Variants in ALK observed in about 807,000 individuals in gnomAD.
ALK encodes ALK receptor tyrosine kinase.
In ALK, 74 loss-of-function variants were observed where a neutral mutation model predicts 163.1. The observed-to-expected ratio is 0.45, with a 90% CI of 0.38 to 0.55. The LOEUF is 0.55. Among genes scored for constraint, ALK ranks in the 20% least tolerant of loss-of-function variants. The pLI, the probability that ALK is intolerant of heterozygous loss-of-function variation, is 0.00. For missense variants in ALK, 2,063 were observed against 2,105.3 expected, an observed-to-expected ratio of 0.98 and a Z score of 0.39; for synonymous variants, 960 against 843.2, an observed-to-expected ratio of 1.14 and a Z score of -2.40.
chr2:29,301,113 G>A (rs1666355324), intron 8 of ALK, among the ~76,000 whole-genome samples: 1 of 152,210 alleles, frequency 6.6e-6, no homozygotes, highest in African/African-American at 2.4e-5. Flanking sequence ...CTGAATGAAT[G>A]CGGGTTCCAG....
intron 3 of ALK, among the ~76,000 whole-genome samples, chr2:29,645,393 ATAAGACCCAATGGTCAGCT>A (rs1676843083): frequency 6.6e-6 from 1 of 152,094 alleles, no homozygotes; most frequent in Admixed American, 6.5e-5. Context: ...CTTCTTTCAT[ATAAGACCCAATGGTCAGCT>A]TGAGGAATGT....
chr2:29,193,758 A>C lies in ALK; in HGVS notation c.4329T>G (p.Pro1443=). 1 of 1,597,116 alleles carries C rather than the reference A, an allele frequency of 6.3e-7. No individual in the cohort carries two copies. Among genetic ancestry groups the C allele is most frequent in the Non-Finnish European group, 8.5e-7 (1 of 1,170,648 alleles). Residue 1443 remains proline, a synonymous_variant, in exon 29 of 29, where the codon CCT becomes CCG. Coordinates refer to ENST00000389048, the MANE Select transcript of ALK (RefSeq NM_004304.5). ...EEERSPAAPP[P]LPTTSSGKAA... is the part of the protein sequence containing the mutation. ...CCTTGCCAGAGGAGGTGGTAGGCAGAGGTGGTGGGGCAGCTGGGCTGCGCT... is the reference window on the plus strand; with the variant it reads ...CCTTGCCAGAGGAGGTGGTAGGCAGCGGTGGTGGGGCAGCTGGGCTGCGCT...
intron 24 of ALK, among the ~76,000 whole-genome samples, chr2:29,212,715 T>C (rs1379132565): frequency 6.6e-6 from 1 of 150,752 alleles, no homozygotes; most frequent in Non-Finnish European, 1.5e-5. Flanking sequence ...TTTTTCTTTT[T>C]TTTTCTTTGA....
chr2:29,547,379 C>T (rs1213233763), intron 3 of ALK, among the ~76,000 whole-genome samples: 1 of 152,148 alleles, frequency 6.6e-6, no homozygotes, highest in Non-Finnish European at 1.5e-5. Context: ...GGCAGATTGC[C>T]TCAGCTCAGG....
rs763339685 is a variant in ALK at position 29,228,871 on chromosome 2, G to A, written c.2815+13C>T. 3.8e-6 allele frequency: 6 copies of A among 1,559,328 alleles called. No homozygotes were observed. Among genetic ancestry groups the A allele is most frequent in the South Asian group, 3.3e-5 (3 of 89,980 alleles). ...AGGGAGGGAGTGACACCTTGAACAC[G>A]AATCATCTTTACCTATATATCCTCC... On this transcript the variant is annotated intron_variant, in intron 16 of 28. Transcript: ENST00000389048.
intron 1 of ALK, among the ~76,000 whole-genome samples, chr2:29,831,078 GA>G (rs1558508653): frequency 1.6e-4 from 2 of 12,206 alleles, no homozygotes; most frequent in African/African-American, 4.6e-4. Flanking sequence ...AGGGGAGGAG[GA>G]GGAGGAGGAG....
intron 13 of ALK, among the ~76,000 whole-genome samples, chr2:29,235,074 TA>T (rs1664332649): frequency 6.6e-6 from 1 of 152,170 alleles, no homozygotes; most frequent in South Asian, 2.1e-4. Context: ...GGGGCTCAGG[TA>T]TTAGAGAGTC....
At chr2:29,335,394 A>G (rs1315118064) in intron 5 of ALK, among the ~76,000 whole-genome samples, 2 of 152,252 alleles carry the variant, frequency 1.3e-5, no homozygotes, top group Non-Finnish European at 2.9e-5. Context: ...TGAATCTCAT[A>G]AAAACTGGAA....
chr2:29,460,089 T>A lies in ALK; in HGVS notation c.1154+71826A>T, dbSNP rs78770271. 1.1e-3 allele frequency among the ~76,000 whole-genome samples: 171 copies of A among 152,274 alleles called. 1 individual carries two copies. In the East Asian group the frequency reaches 0.021, roughly 19 times the overall value. Reference sequence around the variant, plus strand: ...AGCCTTGCTCCACAGTGAAGAGGTTTTAGTGACTACCTTGCAGTAGGAGTG... The same window carrying A: ...AGCCTTGCTCCACAGTGAAGAGGTTATAGTGACTACCTTGCAGTAGGAGTG... On this transcript the variant is annotated intron_variant, in intron 4 of 28. Coordinates refer to ENST00000389048, the MANE Select transcript of ALK (RefSeq NM_004304.5).
At chr2:29,889,558 A>G in intron 1 of ALK, among the ~76,000 whole-genome samples, 1 of 152,058 alleles carries the variant, frequency 6.6e-6, no homozygotes, top group Non-Finnish European at 1.5e-5. Context: ...GAGGCTGTGG[A>G]GAGAAAGTGA....
At chr2:29,753,512 A>T (rs1680432889) in intron 1 of ALK, among the ~76,000 whole-genome samples, 1 of 152,212 alleles carries the variant, frequency 6.6e-6, no homozygotes, top group African/African-American at 2.4e-5. Context: ...TATCGGCCAG[A>T]AAAATAAAGA....
chr2:29,875,515 A>G (rs977587534), intron 1 of ALK, among the ~76,000 whole-genome samples: 1 of 152,098 alleles, frequency 6.6e-6, no homozygotes, highest in African/African-American at 2.4e-5. Context: ...TGCTGCACCT[A>G]TCAACCCATC....
At chr2:29,762,889 C>T (rs995857836) in intron 1 of ALK, among the ~76,000 whole-genome samples, 1 of 152,106 alleles carries the variant, frequency 6.6e-6, no homozygotes, top group Non-Finnish European at 1.5e-5. Context: ...GAGATAGAGA[C>T]CATCCTGGCC....
intron 4 of ALK, among the ~76,000 whole-genome samples, chr2:29,422,403 TC>T (rs1670036119): frequency 2.6e-5 from 4 of 151,138 alleles, no homozygotes; most frequent in African/African-American, 9.9e-5. Flanking sequence ...TGAAACCTCA[TC>T]CCTGATCCTA....
chr2:29,571,599 T>C (rs1674370974), intron 3 of ALK, among the ~76,000 whole-genome samples: 2 of 126,178 alleles, frequency 1.6e-5, no homozygotes, highest in South Asian at 2.7e-4. Flanking sequence ...TCTTGGCTCA[T>C]ATCTTTTTTT....
At chr2:29,608,590 A>C (rs1168816215) in intron 3 of ALK, among the ~76,000 whole-genome samples, 1 of 152,300 alleles carries the variant, frequency 6.6e-6, no homozygotes, top group Non-Finnish European at 1.5e-5. Flanking sequence ...CATAGGCGCC[A>C]TTTCTGCTGT....
chr2:29,920,263 G>A lies in ALK; in HGVS notation c.397C>T (p.Arg133Cys), dbSNP rs775940832. The A allele has an allele frequency of 1.1e-5, 17 of 1,598,526 alleles. No homozygotes were observed. In the Admixed American group the frequency reaches 1.9e-4, roughly 18 times the overall value. Residue 133 changes from arginine (R) to cysteine (C), a missense_variant, in exon 1 of 29, where the codon CGC becomes TGC. Transcript: ENST00000389048. ...AACTGCTTGGCACGCCGGAGCTTGCGCACGGAGCCGCCCTTCAGCACCCTG... is the reference window on the plus strand; with the variant it reads ...AACTGCTTGGCACGCCGGAGCTTGCACACGGAGCCGCCCTTCAGCACCCTG... ...LSRVLKGGSV[R>C]KLRRAKQLVL...
chr2:29,715,805 A>G (rs538968261), intron 2 of ALK, among the ~76,000 whole-genome samples: 1 of 152,260 alleles, frequency 6.6e-6, no homozygotes, highest in South Asian at 2.1e-4. Flanking sequence ...TGCCCTTATC[A>G]TAAGATGACA....
chr2:29,665,266 C>T (rs547511409), intron 3 of ALK, among the ~76,000 whole-genome samples: 3 of 152,014 alleles, frequency 2.0e-5, no homozygotes, highest in South Asian at 2.1e-4. Context: ...GGAATACAGG[C>T]GTGAACCACC....
Sources: gnomAD v4.1 joint callset for allele counts (sites outside exome capture counted in the v4.1 genomes callset) on GRCh38, gnomAD v4.1.1 for gene constraint, MANE v1.5 for transcripts, NCBI Gene and HGNC (gene_info 2026-07-23, HGNC 2026-07-21) for gene names.